The following AHNAK variants were observed in gnomAD, a reference collection of about 807,000 sequenced individuals.
The protein encoded by AHNAK is AHNAK nucleoprotein, also known as neuroblast differentiation-associated protein AHNAK.
AHNAK carries 23 observed loss-of-function variants against 37.8 expected under a neutral mutation model. The ratio of observed to expected loss-of-function variants is 0.61; its 90% CI spans 0.44 to 0.86. The LOEUF (loss-of-function observed/expected upper bound fraction) is 0.86. Among genes scored for constraint, AHNAK ranks in the 40% least tolerant of loss-of-function variants. AHNAK has a pLI of 0.00. For missense variants in AHNAK, 7,411 were observed against 7,319.4 expected (o/e 1.01, Z -0.46); for synonymous variants, 2,481 against 2,636.3 (o/e 0.94, Z 1.80).
intron 5 of AHNAK, among the ~76,000 whole-genome samples, chr11:62,484,555 C>T (rs1244215762): frequency 2.6e-5 from 4 of 152,118 alleles, no homozygotes; most frequent in African/African-American, 7.2e-5. Context: ...AATACAAAAA[C>T]CCTGGGATGG....
At chr11:62,536,264 G>A (rs1313047009) in intron 2 of AHNAK, 166 bp from the exon 3 acceptor site, 1 of 641,846 alleles carries the variant, frequency 1.6e-6, no homozygotes, top group Non-Finnish European at 2.5e-6. Context: ...TTGGGGGTGG[G>A]GTAATTCGTC....
chr11:62,493,716 C>T (rs1313060526), intron 4 of AHNAK, among the ~76,000 whole-genome samples: 3 of 151,844 alleles, frequency 2.0e-5, no homozygotes, highest in Non-Finnish European at 2.9e-5. Flanking sequence ...AGTGATCCTC[C>T]CATCTCCACC....
intron 5 of AHNAK, among the ~76,000 whole-genome samples, chr11:62,491,237 C>T (rs1939500389): frequency 6.6e-6 from 1 of 152,186 alleles, no homozygotes; most frequent in African/African-American, 2.4e-5. Flanking sequence ...CAGTCACTCA[C>T]TTCTTCCCCT....
intron 5 of AHNAK, among the ~76,000 whole-genome samples, chr11:62,440,731 G>A (rs145005985): frequency 7.2e-4 from 109 of 152,274 alleles, no homozygotes; most frequent in African/African-American, 2.3e-3. Context: ...GCCTGGCAGC[G>A]TCCATCCCAG....
chr11:62,535,233 T>A (rs936974149), intron 3 of AHNAK, 43 bp from the exon 4 acceptor site: 2 of 1,567,926 alleles, frequency 1.3e-6, no homozygotes, highest in African/African-American at 2.7e-5. Context: ...CCAAAGAGCC[T>A]CAGGGAAACC....
chr11:62,472,770 G>T (rs745409863), intron 5 of AHNAK, among the ~76,000 whole-genome samples: 10 of 152,094 alleles, frequency 6.6e-5, no homozygotes, highest in Admixed American at 6.6e-4. Context: ...CTTATCTGAG[G>T]TACCTGCAGT....
chr11:62,525,088 T>A lies in AHNAK; in HGVS notation c.9329A>T (p.Asp3110Val), dbSNP rs1271012371. Reference protein sequence around the residue: ...LKGPKVKGDMDVSLPKVEGDM... With the variant: ...LKGPKVKGDMVVSLPKVEGDM... ...ACCTTCCACTTTTGGCAGAGACACA[T>A]CCATGTCACCCTTCACTTTGGGACC... Residue 3110 changes from aspartate (D) to valine (V), a missense_variant, in exon 5 of 5, where the codon GAT becomes GTT. Physicochemically the swap from Asp to Val is radical, Grantham distance 152. Coordinates refer to ENST00000378024, the MANE Select transcript of AHNAK (RefSeq NM_001620.3). 1 of 1,614,116 alleles carries A rather than the reference T, an allele frequency of 6.2e-7. No homozygotes were observed. The highest frequency in any genetic ancestry group is 8.5e-7 in the Non-Finnish European group (1 of 1,180,014).
Position 62,516,450 on chromosome 11 carries a change from G to GTA in AHNAK, c.*292_*293dup. On this transcript the variant is annotated 3_prime_UTR_variant, in exon 5 of 5. Coordinates refer to ENST00000378024, the MANE Select transcript of AHNAK (RefSeq NM_001620.3). ...GATAATAAACACAAAAGCTTGCTTA[G>GTA]TAAACAGGAGCTCTCAGCAGTCAAT... 1 of 1,279,850 alleles carries GTA rather than the reference G, an allele frequency of 7.8e-7. No individual in the cohort carries two copies. The highest frequency in any genetic ancestry group is 1.0e-6 in the Non-Finnish European group (1 of 1,003,418). The allele number at this position is 1,279,850 out of a possible 1,614,324, so 79.3% of individuals were successfully genotyped here.
intron 5 of AHNAK, among the ~76,000 whole-genome samples, chr11:62,479,150 CT>C (rs1018484619): frequency 6.0e-5 from 8 of 132,460 alleles, no homozygotes; most frequent in South Asian, 2.4e-4. Context: ...GCTTTCTTTT[CT>C]TTTTTTTTCT....
chr11:62,444,463 A>C (rs774605260), intron 5 of AHNAK, among the ~76,000 whole-genome samples: 37 of 152,234 alleles, frequency 2.4e-4, no homozygotes, highest in Admixed American at 7.2e-4. Context: ...TGAATACCAG[A>C]TTCTGCTTTC....
At chr11:62,540,210 A>T (rs1407039501) in intron 1 of AHNAK, among the ~76,000 whole-genome samples, 1 of 152,268 alleles carries the variant, frequency 6.6e-6, no homozygotes, top group Non-Finnish European at 1.5e-5. Flanking sequence ...CCAACGCAGC[A>T]GCCACATGTG....
In AHNAK at chr11:62,517,309, G is replaced by A; in HGVS notation, c.17108C>T (p.Ser5703Phe). ...AGAGDGEWEE[S>F]EVKLKKSKIK... ...CTTGGACTTTTTCAGTTTGACTTCAGACTCTTCCCACTCGCCGTCTCCAGC... is the reference window on the plus strand; with the variant it reads ...CTTGGACTTTTTCAGTTTGACTTCAAACTCTTCCCACTCGCCGTCTCCAGC... Residue 5703 changes from serine to phenylalanine, a missense_variant, in exon 5 of 5, where the codon TCT (serine) becomes TTT (phenylalanine). By Grantham distance (155) the Ser-to-Phe change is radical. Transcript: ENST00000378024. The A allele has an allele frequency of 6.2e-7, 1 of 1,614,146 alleles. No individual in the cohort carries two copies. Among genetic ancestry groups the A allele is most frequent in the Admixed American group, 1.7e-5 (1 of 60,002 alleles).
rs1421148700 is a variant in AHNAK at position 62,528,197 on chromosome 11, T to C, written c.6220A>G (p.Lys2074Glu). ...GGTCCTGAGACAACAACATCAGCCT[T>C]GGGCAAGTTCACATCCACTTCTGGG... is the stretch of plus-strand genomic sequence containing the variant. ...EGPEVDVNLPKADVVVSGPKV... is the reference protein window; with the variant it reads ...EGPEVDVNLPEADVVVSGPKV... Residue 2074 changes from lysine to glutamate, a missense_variant, in exon 5 of 5, where the codon AAG becomes GAG. Coordinates refer to ENST00000378024, the MANE Select transcript of AHNAK (RefSeq NM_001620.3). The C allele has an allele frequency of 1.2e-6, 2 of 1,613,886 alleles. No individual in the cohort carries two copies. The highest frequency in any genetic ancestry group is 1.7e-6 in the Non-Finnish European group (2 of 1,180,014).
At chr11:62,501,272 TAGA>T (rs1939707416) in intron 4 of AHNAK, among the ~76,000 whole-genome samples, 2 of 151,710 alleles carry the variant, frequency 1.3e-5, no homozygotes, top group African/African-American at 4.8e-5. Flanking sequence ...TTCTACATTC[TAGA>T]AGAACTTTGC....
In AHNAK at chr11:62,528,618, G is replaced by T. The variant is rs1354548144; in HGVS notation, c.5799C>A (p.Gly1933=). ...CATCCACATCCCCTTTGACTTTGGGGCCTTTCAAGTGTAAGTCCACATCAG... is the reference window on the plus strand; with the variant it reads ...CATCCACATCCCCTTTGACTTTGGGTCCTTTCAAGTGTAAGTCCACATCAG... ...SMPDVDLHLK[G]PKVKGDVDVS... is the part of the protein sequence containing the mutation. Residue 1933 remains glycine (G), a synonymous_variant, in exon 5 of 5, where the codon GGC becomes GGA. Transcript: ENST00000378024. The T allele has an allele frequency of 6.2e-7, 1 of 1,609,516 alleles. No homozygotes were observed. The highest frequency in any genetic ancestry group is 1.4e-5 in the African/African-American group (1 of 74,010).
Position 62,526,408 on chromosome 11 carries a change from G to A in AHNAK, c.8009C>T (p.Ser2670Leu). The A allele has an allele frequency of 1.2e-6, 2 of 1,610,470 alleles. No individual in the cohort carries two copies. Among genetic ancestry groups the A allele is most frequent in the East Asian group, 4.5e-5 (2 of 44,670 alleles). The change falls in exon 5 of 5, where the codon TCA (serine) becomes TTA (leucine). Residue 2670 changes from serine to leucine, a missense_variant. By Grantham distance (145) the Ser-to-Leu change is moderately radical. Coordinates refer to ENST00000378024, the MANE Select transcript of AHNAK (RefSeq NM_001620.3). ...GCCTTCAATGTCCACTTTGGGTCCTGAGACATCAATGTCAGCCTTGGGCAG... is the reference window on the plus strand; with the variant it reads ...GCCTTCAATGTCCACTTTGGGTCCTAAGACATCAATGTCAGCCTTGGGCAG... ...VKLPKADIDVSGPKVDIEGPD... is the reference protein window; with the variant it reads ...VKLPKADIDVLGPKVDIEGPD...
At chr11:62,442,156 G>A (rs1938319344) in intron 5 of AHNAK, among the ~76,000 whole-genome samples, 2 of 152,216 alleles carry the variant, frequency 1.3e-5, no homozygotes. Context: ...AGTTCCGTCT[G>A]TACTTATTTC....
intron 5 of AHNAK, among the ~76,000 whole-genome samples, chr11:62,484,402 T>G (rs973558868): frequency 1.8e-4 from 28 of 151,750 alleles, no homozygotes; most frequent in African/African-American, 6.5e-4. Flanking sequence ...AATAAATAAA[T>G]AAATAACAAG....
At chr11:62,478,937 G>A (rs1048666841) in intron 5 of AHNAK, among the ~76,000 whole-genome samples, 1 of 151,702 alleles carries the variant, frequency 6.6e-6, no homozygotes, top group Non-Finnish European at 1.5e-5. Context: ...GTACAGTGGC[G>A]CAATCTCAGC....
Sources: allele counts gnomAD v4.1 joint callset (sites outside exome capture counted in the v4.1 genomes callset), GRCh38; gene constraint gnomAD v4.1.1; transcripts MANE v1.5; gene names NCBI Gene and HGNC (gene_info 2026-07-23, HGNC 2026-07-21).